Variants in ABCG2 observed in about 807,000 individuals in gnomAD.
The protein encoded by ABCG2 is broad substrate specificity ATP-binding cassette transporter ABCG2.
In ABCG2, 80 loss-of-function variants were observed where a neutral mutation model predicts 73.5. The observed-to-expected ratio is 1.09, with a 90% CI of 0.91 to 1.31. The LOEUF is 1.31. Among genes scored for constraint, ABCG2 ranks in the 50% most tolerant of loss-of-function variants. The pLI is 0.00. For missense variants in ABCG2, 796 were observed against 786.2 expected (o/e 1.01, Z -0.15); for synonymous variants, 269 against 282.4 (o/e 0.95, Z 0.48).
intron 1 of ABCG2, among the ~76,000 whole-genome samples, chr4:88,197,144 G>A (rs1191857909): frequency 6.7e-6 from 1 of 149,046 alleles, no homozygotes; most frequent in Non-Finnish European, 1.5e-5. Flanking sequence ...ATCAGGAAAG[G>A]CCTACCTACT....
chr4:88,160,072 G>A (rs1258348347), upstream of ABCG2, among the ~76,000 whole-genome samples: 1 of 151,636 alleles, frequency 6.6e-6, no homozygotes, highest in African/African-American at 2.4e-5. Flanking sequence ...GTGAAACCCT[G>A]CCTCTACTAA....
intron 6 of ABCG2, among the ~76,000 whole-genome samples, chr4:88,119,825 G>A (rs551109178): frequency 1.1e-4 from 16 of 152,176 alleles, no homozygotes; most frequent in African/African-American, 2.6e-4. Flanking sequence ...AAAGGGAAGC[G>A]GAGCATACAA....
intron 1 of ABCG2, among the ~76,000 whole-genome samples, chr4:88,149,855 AAAT>A (rs1726330582): frequency 6.6e-6 from 1 of 152,194 alleles, no homozygotes; most frequent in Non-Finnish European, 1.5e-5. Flanking sequence ...CTGTCTCAAA[AAAT>A]AATAATAATA....
At chr4:88,124,233 C>T (rs909353144) in intron 5 of ABCG2, among the ~76,000 whole-genome samples, 2 of 152,136 alleles carry the variant, frequency 1.3e-5, no homozygotes, top group Non-Finnish European at 2.9e-5. Context: ...AGACCATCAA[C>T]ACTATGAAGA....
intron 1 of ABCG2, among the ~76,000 whole-genome samples, chr4:88,201,345 T>C (rs1729158332): frequency 6.6e-6 from 1 of 152,008 alleles, no homozygotes; most frequent in Non-Finnish European, 1.5e-5. Flanking sequence ...CCACAGACAT[T>C]GAAAGGATAG....
At chr4:88,139,663 ATG>A (rs1725488456) in intron 2 of ABCG2, 128 bp downstream of exon 2, 6 of 708,656 alleles carry the variant, frequency 8.5e-6, no homozygotes, top group Non-Finnish European at 1.2e-5. Context: ...AAATGAAAGC[ATG>A]TGTCTGTATA....
chr4:88,221,832 T>G (rs1730023419), intron 1 of ABCG2, among the ~76,000 whole-genome samples: 1 of 152,154 alleles, frequency 6.6e-6, no homozygotes, highest in Non-Finnish European at 1.5e-5. Flanking sequence ...TGCAGCCTGA[T>G]GATGCAATAG....
At chr4:88,094,718 A>C (rs757897234) in intron 14 of ABCG2, 59 bp from the exon 15 acceptor site, 29 of 1,313,448 alleles carry the variant, frequency 2.2e-5, no homozygotes, top group Non-Finnish European at 3.1e-5. Flanking sequence ...GAAGTTTCCA[A>C]AGAGTTATCA....
chr4:88,229,854 A>T (rs554313363), intron 1 of ABCG2, among the ~76,000 whole-genome samples: 222 of 152,274 alleles, frequency 1.5e-3, no homozygotes, highest in African/African-American at 5.2e-3. Flanking sequence ...GGCCTGTTAC[A>T]GGAGGATAAA....
At chr4:88,211,291 T>C (rs1057178462) in intron 1 of ABCG2, among the ~76,000 whole-genome samples, 18 of 148,188 alleles carry the variant, frequency 1.2e-4, no homozygotes, top group African/African-American at 4.2e-4. Context: ...TGGTGGGGAC[T>C]GAGCTTCTAG....
chr4:88,101,343 T>C, intron 10 of ABCG2, 24 bp from the exon 11 acceptor site: 1 of 1,592,156 alleles, frequency 6.3e-7, no homozygotes, highest in Non-Finnish European at 8.6e-7. Context: ...GGGAACCAAA[T>C]CACCGCAGTC....
At chr4:88,113,125 T>C (rs775517635) in intron 9 of ABCG2, among the ~76,000 whole-genome samples, 178 bp downstream of exon 9, 5 of 152,136 alleles carry the variant, frequency 3.3e-5, no homozygotes, top group Non-Finnish European at 5.9e-5. Flanking sequence ...AAAGGGAAGC[T>C]TTCCAAAAGT....
intron 1 of ABCG2, among the ~76,000 whole-genome samples, chr4:88,169,347 C>A (rs2110091853): frequency 6.6e-6 from 1 of 152,092 alleles, no homozygotes; most frequent in Admixed American, 6.6e-5. Context: ...CCCAACCAAG[C>A]AAGTAGTTAC....
At chr4:88,106,868 C>G (rs1218657626) in intron 10 of ABCG2, among the ~76,000 whole-genome samples, 3 of 152,102 alleles carry the variant, frequency 2.0e-5, no homozygotes. Context: ...ATGGTGCGAC[C>G]CCGTCTCTAC....
At chr4:88,172,303 A>AC (rs1295311942) in intron 1 of ABCG2, among the ~76,000 whole-genome samples, 1 of 150,776 alleles carries the variant, frequency 6.6e-6, no homozygotes. Flanking sequence ...ACAAAAAAAA[A>AC]AAAAATTGCT....
At chr4:88,185,191 T>G (rs1728402885) in intron 1 of ABCG2, among the ~76,000 whole-genome samples, 1 of 152,038 alleles carries the variant, frequency 6.6e-6, no homozygotes, top group Non-Finnish European at 1.5e-5. Flanking sequence ...GATGAAACCC[T>G]ATCTCTGCTA....
intron 5 of ABCG2, among the ~76,000 whole-genome samples, chr4:88,128,587 A>G (rs1724603356): frequency 1.3e-5 from 2 of 152,236 alleles, no homozygotes; most frequent in Non-Finnish European, 2.9e-5. Flanking sequence ...AATACTATGC[A>G]GCCATAAAAA....
In ABCG2 at chr4:88,213,148, C is replaced by T. The variant is rs190063500; in HGVS notation, c.-20+17846G>A. Among the ~76,000 whole-genome samples, 7 of 152,294 alleles carry T rather than the reference C, an allele frequency of 4.6e-5. No homozygotes were observed. In the East Asian group the frequency reaches 1.4e-3, roughly 29 times the overall value. ...CAAACTCCTGCGCTCAAGCAATCTT[C>T]CCACTTTAGCCTTTCAAACTGTTGG... On this transcript the variant is annotated intron_variant, in intron 1 of 15. Coordinates refer to the ABCG2 transcript ENST00000515655.
intron 1 of ABCG2, among the ~76,000 whole-genome samples, chr4:88,200,851 T>G (rs1729131657): frequency 1.3e-5 from 2 of 152,114 alleles, no homozygotes. Context: ...GATAACTGGT[T>G]AAAATAATAA....
Sources: gnomAD v4.1 joint callset for allele counts (sites outside exome capture counted in the v4.1 genomes callset) on GRCh38, gnomAD v4.1.1 for gene constraint, MANE v1.5 for transcripts, NCBI Gene and HGNC (gene_info 2026-07-23, HGNC 2026-07-21) for gene names.